The following CCSER1 variants were observed in gnomAD, a reference collection of about 807,000 sequenced individuals.
The protein encoded by CCSER1 is serine-rich coiled-coil domain-containing protein 1.
Under a neutral mutation model 82.0 loss-of-function variants are expected in CCSER1, and 41 were observed. The ratio of observed to expected loss-of-function variants is 0.50; its 90% CI spans 0.39 to 0.65. The LOEUF (loss-of-function observed/expected upper bound fraction) is 0.65. Among genes scored for constraint, CCSER1 ranks in the 30% least tolerant of loss-of-function variants. The pLI is 0.00. For missense variants in CCSER1, 1,119 were observed against 1,064.2 expected (o/e 1.05, Z -0.72); for synonymous variants, 414 against 383.9 (o/e 1.08, Z -0.92).
At chr4:91,398,622 A>T (rs1403212697) in intron 10 of CCSER1, among the ~76,000 whole-genome samples, 1 of 151,696 alleles carries the variant, frequency 6.6e-6, no homozygotes, top group Non-Finnish European at 1.5e-5. Context: ...GGGAAATTAA[A>T]TGCTTTAATT....
chr4:90,332,155 C>T (rs1739407361), intron 3 of CCSER1, among the ~76,000 whole-genome samples: 2 of 151,994 alleles, frequency 1.3e-5, no homozygotes, highest in Admixed American at 6.6e-5. Context: ...AAAAGTTAAC[C>T]AAACTTACTT....
At chr4:90,386,382 C>A (rs1750054669) in intron 3 of CCSER1, among the ~76,000 whole-genome samples, 1 of 152,160 alleles carries the variant, frequency 6.6e-6, no homozygotes, top group South Asian at 2.1e-4. Context: ...ACAAAGCAGA[C>A]CAAAACATAC....
intron 3 of CCSER1, among the ~76,000 whole-genome samples, chr4:90,362,407 C>T (rs1173496025): frequency 2.0e-5 from 3 of 152,090 alleles, no homozygotes; most frequent in African/African-American, 7.2e-5. Flanking sequence ...TAGTGTTTTT[C>T]ATATATCACC....
chr4:90,191,959 T>G (rs902413816), intron 1 of CCSER1, among the ~76,000 whole-genome samples: 3 of 152,188 alleles, frequency 2.0e-5, no homozygotes, highest in Admixed American at 1.3e-4. Context: ...TACCCTGTAC[T>G]TATTAAAAAC....
chr4:90,637,403 T>G (rs1415246028), intron 6 of CCSER1, among the ~76,000 whole-genome samples: 1 of 152,132 alleles, frequency 6.6e-6, no homozygotes, highest in Non-Finnish European at 1.5e-5. Flanking sequence ...TACCATCACT[T>G]TTGTCAAATT....
rs1277980838 is a variant in CCSER1, at chr4:91,601,978, G to A, written c.*2921G>A. 1 of 151,920 alleles carries A rather than the reference G, an allele frequency of 6.6e-6. No individual in the cohort carries two copies. The highest frequency in any genetic ancestry group is 1.5e-5 in the Non-Finnish European group (1 of 67,924). The allele number at this position is 151,920 out of a possible 1,614,324, so 9.4% of individuals were successfully genotyped here. On this transcript the variant is annotated 3_prime_UTR_variant, in exon 11 of 11. Transcript: ENST00000509176. The stretch of plus-strand genomic sequence containing the variant: ...GCTAAGAGAGTCACCACAAAACTAT[G>A]AATTCTCTCCCGAATTATTTTTGCT...
chr4:90,673,701 G>A (rs66994142), intron 6 of CCSER1, among the ~76,000 whole-genome samples: 69,713 of 151,720 alleles, frequency 0.46, 16,413 homozygotes, highest in Middle Eastern at 0.59. Flanking sequence ...AAACCAGAAT[G>A]TGGTGAACAT....
intron 8 of CCSER1, among the ~76,000 whole-genome samples, chr4:90,895,635 T>A (rs1580974527): frequency 6.6e-6 from 1 of 151,844 alleles, no homozygotes; most frequent in East Asian, 1.9e-4. Flanking sequence ...AGGATCAAGG[T>A]CCCTAGCCCA....
At chr4:90,898,737 G>A (rs555809098) in intron 8 of CCSER1, among the ~76,000 whole-genome samples, 1 of 151,910 alleles carries the variant, frequency 6.6e-6, no homozygotes, top group Non-Finnish European at 1.5e-5. Flanking sequence ...TGTATACTTG[G>A]TTGAAGATTA....
intron 5 of CCSER1, among the ~76,000 whole-genome samples, chr4:90,619,818 T>C (rs1467715340): frequency 6.6e-6 from 1 of 152,138 alleles, no homozygotes; most frequent in Non-Finnish European, 1.5e-5. Flanking sequence ...CTGATTGTAC[T>C]TTCATCTCTA....
At chr4:91,542,556 T>A (rs891155544) in intron 10 of CCSER1, among the ~76,000 whole-genome samples, 1 of 152,214 alleles carries the variant, frequency 6.6e-6, no homozygotes, top group Non-Finnish European at 1.5e-5. Context: ...CATTTTGTTA[T>A]GTACCCAGTA....
At chr4:90,923,653 A>G (rs2150252104) in intron 9 of CCSER1, 1 of 435,124 alleles carries the variant, frequency 2.3e-6, no homozygotes, top group African/African-American at 2.0e-5. Context: ...CCAATGCCTT[A>G]TTAATTTTTT....
chr4:90,495,115 C>G (rs1462581195), intron 5 of CCSER1, among the ~76,000 whole-genome samples: 1 of 152,100 alleles, frequency 6.6e-6, no homozygotes, highest in African/African-American at 2.4e-5. Flanking sequence ...TTTCACAGTT[C>G]TTGTCTATTT....
chr4:90,197,551 T>C (rs1004031236), intron 1 of CCSER1, among the ~76,000 whole-genome samples: 17 of 152,126 alleles, frequency 1.1e-4, no homozygotes, highest in Admixed American at 2.0e-4. Flanking sequence ...AACAGATGAA[T>C]GGATAAAGGA....
At chr4:90,621,791 T>A (rs940308849) in intron 5 of CCSER1, among the ~76,000 whole-genome samples, 8 of 152,176 alleles carry the variant, frequency 5.3e-5, no homozygotes, top group African/African-American at 7.2e-5. Context: ...TCAAGTGAAT[T>A]TTTGAGCCTT....
chr4:90,484,104 A>G (rs1251565603), intron 5 of CCSER1, among the ~76,000 whole-genome samples: 1 of 151,868 alleles, frequency 6.6e-6, no homozygotes, highest in East Asian at 1.9e-4. Flanking sequence ...ACTTCTCTTC[A>G]CGCTTCATTT....
At chr4:90,133,929 T>A (rs1429544095) in intron 1 of CCSER1, among the ~76,000 whole-genome samples, 2 of 152,206 alleles carry the variant, frequency 1.3e-5, no homozygotes, top group Non-Finnish European at 2.9e-5. Flanking sequence ...CTGAGAATGT[T>A]TTATTTTTTC....
chr4:90,691,719 C>T (rs115425315), intron 6 of CCSER1, among the ~76,000 whole-genome samples: 2,082 of 151,612 alleles, frequency 0.014, 50 homozygotes, highest in African/African-American at 0.048. Flanking sequence ...TTTTATTTTA[C>T]ATTCAGGAGT....
At chr4:91,028,945 G>A (rs1260631230) in intron 9 of CCSER1, among the ~76,000 whole-genome samples, 1 of 151,976 alleles carries the variant, frequency 6.6e-6, no homozygotes, top group East Asian at 1.9e-4. Flanking sequence ...AAAGATACAG[G>A]AGAAGAATGA....
Sources: gnomAD v4.1 joint callset for allele counts (sites outside exome capture counted in the v4.1 genomes callset) on GRCh38, gnomAD v4.1.1 for gene constraint, MANE v1.5 for transcripts, NCBI Gene and HGNC (gene_info 2026-07-23, HGNC 2026-07-21) for gene names.